NAA11: variants seen among roughly 807,000 people sequenced by gnomAD.
NAA11 encodes N-alpha-acetyltransferase 11.
NAA11 carries 15 observed loss-of-function variants against 16.1 expected under a neutral mutation model. The observed-to-expected ratio is 0.93, with a 90% CI of 0.62 to 1.44. The LOEUF (loss-of-function observed/expected upper bound fraction) is 1.44. Ranked by LOEUF, NAA11 falls within the 40% of genes most tolerant of loss-of-function variation. NAA11 has a pLI of 0.00. For missense variants in NAA11, 298 were observed against 291.3 expected, an observed-to-expected ratio of 1.02 and a Z score of -0.17; for synonymous variants, 122 against 112.4, an observed-to-expected ratio of 1.09 and a Z score of -0.54.
At chr4:79,192,010 C>T in the NAA11 span, among the ~76,000 whole-genome samples, 7 of 152,194 alleles carry the variant, frequency 4.6e-5, no homozygotes, top group African/African-American at 1.7e-4. Flanking sequence ...GGTATTATTT[C>T]TGAACTTTCT....
intron 1 of NAA11, among the ~76,000 whole-genome samples, chr4:79,301,491 C>T (rs536106693): frequency 1.1e-4 from 17 of 152,210 alleles, no homozygotes; most frequent in Non-Finnish European, 2.4e-4. Context: ...TATGTCAATT[C>T]CTGTTTATCA....
At chr4:79,291,602 T>C (rs1279871605) in intron 2 of NAA11, among the ~76,000 whole-genome samples, 1 of 152,122 alleles carries the variant, frequency 6.6e-6, no homozygotes, top group Non-Finnish European at 1.5e-5. Context: ...TGCATGCCTG[T>C]AATCCCAGCT....
chr4:79,227,386 T>C (rs1721341880), intron 2 of NAA11: 1 of 151,994 alleles, frequency 6.6e-6, no homozygotes. Context: ...AAGACATTTA[T>C]GCAGCCAACA....
chr4:79,253,733 G>A (rs762519528), intron 2 of NAA11, among the ~76,000 whole-genome samples: 6 of 152,202 alleles, frequency 3.9e-5, no homozygotes, highest in Non-Finnish European at 7.3e-5. Context: ...GTAGTTGTAG[G>A]AGGCTGTCAT....
intron 2 of NAA11, among the ~76,000 whole-genome samples, chr4:79,227,021 T>C (rs1162406186): frequency 1.3e-5 from 2 of 152,142 alleles, no homozygotes; most frequent in Non-Finnish European, 2.9e-5. Flanking sequence ...TTCACAATGG[T>C]TGAACTAGTT....
the NAA11 span, among the ~76,000 whole-genome samples, chr4:79,183,612 G>A: frequency 1.3e-5 from 2 of 151,814 alleles, no homozygotes; most frequent in Non-Finnish European, 2.9e-5. Flanking sequence ...TGTGTTATAT[G>A]TTCTAATATC....
chr4:79,247,379 C>T (rs1721864294), intron 2 of NAA11, among the ~76,000 whole-genome samples: 1 of 152,174 alleles, frequency 6.6e-6, no homozygotes, highest in Admixed American at 6.5e-5. Flanking sequence ...TCAGTTTTCC[C>T]TGTATTGGCT....
the NAA11 span, among the ~76,000 whole-genome samples, chr4:79,199,101 C>T: frequency 0.018 from 2,771 of 151,964 alleles, 39 homozygotes; most frequent in Non-Finnish European, 0.031. Flanking sequence ...AGTTGCTTGC[C>T]TCCCTGTAGC....
chr4:79,283,245 G>A (rs1722835822), intron 2 of NAA11, among the ~76,000 whole-genome samples: 1 of 151,636 alleles, frequency 6.6e-6, no homozygotes, highest in South Asian at 2.1e-4. Flanking sequence ...TAGTATAAAG[G>A]GATAGTAGTG....
At chr4:79,193,022 TC>T in the NAA11 span, among the ~76,000 whole-genome samples, 1 of 152,266 alleles carries the variant, frequency 6.6e-6, no homozygotes, top group African/African-American at 2.4e-5. Context: ...TGCATAAATG[TC>T]TTCTTTTGAG....
chr4:79,277,106 C>T (rs190270969), intron 2 of NAA11, among the ~76,000 whole-genome samples: 1 of 152,098 alleles, frequency 6.6e-6, no homozygotes, highest in Admixed American at 6.5e-5. Context: ...CCAAACAACA[C>T]TGCCTCTAAT....
chr4:79,183,354 A>T, the NAA11 span, among the ~76,000 whole-genome samples: 9 of 152,162 alleles, frequency 5.9e-5, no homozygotes, highest in African/African-American at 2.2e-4. Context: ...CTGTAACTTT[A>T]ATGTTTTTTA....
intron 1 of NAA11, among the ~76,000 whole-genome samples, chr4:79,303,446 C>A (rs1398178693): frequency 6.6e-6 from 1 of 151,966 alleles, no homozygotes; most frequent in Admixed American, 6.6e-5. Flanking sequence ...CATCATTACA[C>A]CCGCTCTTCC....
At chr4:79,193,212 G>A in the NAA11 span, among the ~76,000 whole-genome samples, 1 of 152,164 alleles carries the variant, frequency 6.6e-6, no homozygotes, top group Non-Finnish European at 1.5e-5. Flanking sequence ...TTGCTGTGCA[G>A]AAGCTCTTTA....
the NAA11 span, among the ~76,000 whole-genome samples, chr4:79,204,263 C>T: frequency 2.2e-4 from 34 of 151,738 alleles, no homozygotes; most frequent in Admixed American, 4.6e-4. Flanking sequence ...GTACTCAACA[C>T]GCAACAATGA....
chr4:79,316,457 C>G (rs1203605599), downstream of NAA11, among the ~76,000 whole-genome samples: 1 of 152,202 alleles, frequency 6.6e-6, no homozygotes, highest in Non-Finnish European at 1.5e-5. Context: ...TAGGGTAGAT[C>G]TGTAAGAACT....
At chr4:79,157,010 A>T in the NAA11 span, among the ~76,000 whole-genome samples, 1 of 152,224 alleles carries the variant, frequency 6.6e-6, no homozygotes, top group African/African-American at 2.4e-5. Flanking sequence ...ATCCCTGACT[A>T]AATTGACAGT....
chr4:79,315,250 T>TA (rs1221957664), downstream of NAA11, among the ~76,000 whole-genome samples: 2 of 152,136 alleles, frequency 1.3e-5, no homozygotes, highest in African/African-American at 2.4e-5. Flanking sequence ...TAGCTGCACA[T>TA]AAAAAATAAA....
Position 79,325,282 on chromosome 4 carries a change from G to A in NAA11, c.596C>T (p.Thr199Ile), listed in dbSNP as rs1416819148. The A allele has an allele frequency of 2.5e-6, 4 of 1,613,772 alleles. No individual in the cohort carries two copies. Among genetic ancestry groups the A allele is most frequent in the Non-Finnish European group, 2.5e-6 (3 of 1,179,804 alleles). ...EEACQQKNPA[T>I]EESGSDSKEP... ...TTTGCTGTCACTGCCACTTTCTTCG[G>A]TAGCCGGGTTCTTTTGCTGACAGGC... Residue 199 changes from threonine to isoleucine, a missense_variant, in exon 1 of 2, where the codon ACC becomes ATC. Physicochemically the swap from Thr to Ile is moderately conservative, Grantham distance 89. Transcript: ENST00000286794.
Sources: gnomAD v4.1 joint callset for allele counts (sites outside exome capture counted in the v4.1 genomes callset) on GRCh38, gnomAD v4.1.1 for gene constraint, MANE v1.5 for transcripts, NCBI Gene and HGNC (gene_info 2026-07-23, HGNC 2026-07-21) for gene names.